The following ADAMTS10 variants were observed in gnomAD, a reference collection of about 807,000 sequenced individuals.
ADAMTS10 encodes the protein A disintegrin and metalloproteinase with thrombospondin motifs 10.
A neutral mutation model predicts 135.9 loss-of-function variants in ADAMTS10; 48 were observed. The ratio of observed to expected loss-of-function variants is 0.35; its 90% CI spans 0.28 to 0.45. ADAMTS10 has a LOEUF of 0.45. Ranked by LOEUF, ADAMTS10 falls within the 20% of genes least tolerant of loss-of-function variation. ADAMTS10 has a pLI of 1.00. For missense variants in ADAMTS10, 1,131 were observed against 1,565.2 expected (o/e 0.72, Z 4.68); for synonymous variants, 621 against 647.5 (o/e 0.96, Z 0.62).
chr19:8,608,889 T>C (rs7507292), intron 1 of ADAMTS10, among the ~76,000 whole-genome samples: 34,986 of 149,652 alleles, frequency 0.23, 5,039 homozygotes, highest in East Asian at 0.65. Context: ...GACTCACCTG[T>C]GCACAGTGTA....
Position 8,605,161 on chromosome 19 carries a change from G to T in ADAMTS10, c.286C>A (p.Arg96Ser). ...ACGGAGACGTGCCCTGCCAGTAGAC[G>T]GGAGCTGCGGGTCAGGTTCAGCAGG... ...HFLLNLTRSS[R>S]LLAGHVSVEY... is the part of the protein sequence containing the mutation. Residue 96 changes from arginine to serine, a missense_variant, in exon 4 of 26, where the codon CGT (arginine) becomes AGT (serine). By Grantham distance (110) the Arg-to-Ser change is moderately radical. Coordinates refer to ENST00000597188, the MANE Select transcript of ADAMTS10 (RefSeq NM_030957.4). The surrounding 1 kb of genome is among the most constrained non-coding windows in gnomAD (Gnocchi z 7.7). 6.2e-7 allele frequency: 1 copy of T among 1,614,002 alleles called. No individual in the cohort carries two copies.
Position 8,605,022 on chromosome 19 carries a change from C to CAGGTGCTGATGGCCACATGGG in ADAMTS10, c.404_424dup (p.Ser135_Thr141dup). 1 of 1,605,870 alleles carries CAGGTGCTGATGGCCACATGGG rather than the reference C, an allele frequency of 6.2e-7. No homozygotes were observed. The highest frequency in any genetic ancestry group is 8.5e-7 in the Non-Finnish European group (1 of 1,176,886). On this transcript the variant is annotated inframe_insertion, in exon 4 of 26. Transcript: ENST00000597188. The surrounding 1 kb of genome is among the most constrained non-coding windows in gnomAD (Gnocchi z 7.7). ...GAATCCTCAGCTCACCAGGCCTCCACAGGTGCTGATGGCCACATGGGAGCT... is the reference window on the plus strand; with the variant it reads ...GAATCCTCAGCTCACCAGGCCTCCACAGGTGCTGATGGCCACATGGGAGGTGCTGATGGCCACATGGGAGCT...
intron 25 of ADAMTS10, among the ~76,000 whole-genome samples, chr19:8,582,336 C>G (rs1317056360): frequency 6.6e-6 from 1 of 151,930 alleles, no homozygotes; most frequent in Non-Finnish European, 1.5e-5. Flanking sequence ...GGCGTGGTGG[C>G]AGGCGCCTGT....
intron 5 of ADAMTS10, among the ~76,000 whole-genome samples, chr19:8,602,691 T>C (rs1425352631): frequency 2.0e-5 from 3 of 152,112 alleles, no homozygotes; most frequent in Non-Finnish European, 2.9e-5. Context: ...AGTGGTGTGA[T>C]CAAGGCTCAT....
At chr19:8,595,341 GTTC>G (rs1490688708) in intron 12 of ADAMTS10, among the ~76,000 whole-genome samples, 1 of 152,184 alleles carries the variant, frequency 6.6e-6, no homozygotes, top group Non-Finnish European at 1.5e-5. Context: ...TCCCTGGAAG[GTTC>G]TGTCTAGTTC....
intron 18 of ADAMTS10, among the ~76,000 whole-genome samples, chr19:8,588,258 T>G (rs1317651639): frequency 1.3e-5 from 2 of 151,836 alleles, no homozygotes; most frequent in Admixed American, 1.3e-4. Context: ...AAAAAAAATT[T>G]TTTTTTTTGT....
rs1555740231 is a variant in ADAMTS10, at chr19:8,596,403, G to A, written c.1094C>T (p.Pro365Leu). 3.1e-6 allele frequency: 5 copies of A among 1,613,404 alleles called. No individual in the cohort carries two copies. The highest frequency in any genetic ancestry group is 1.3e-5 in the African/African-American group (1 of 75,034). Reference sequence around the variant, plus strand: ...CTCGCGCTCACACATTCCGCCCACCGGGGCCAGGCCTGGGAAGACGGACAT... The same window carrying A: ...CTCGCGCTCACACATTCCGCCCACCAGGGCCAGGCCTGGGAAGACGGACAT... ...NKPCGTLGLAPVGGMCERERS... is the reference protein window; with the variant it reads ...NKPCGTLGLALVGGMCERERS... The change falls in exon 10 of 26, where the codon CCG becomes CTG. Residue 365 changes from proline to leucine, a missense_variant. Around this residue, in one of 3 missense-constraint regions of ADAMTS10, gnomAD observed 745 missense variants for 1,056.3 expected, o/e 0.71. Coordinates refer to ENST00000597188, the MANE Select transcript of ADAMTS10 (RefSeq NM_030957.4). This position sits in a 1 kb window ranked among gnomAD's most constrained non-coding sequence, Gnocchi z 7.2.
intron 13 of ADAMTS10, 33 bp downstream of exon 13, chr19:8,592,730 G>C: frequency 6.3e-7 from 1 of 1,587,854 alleles, no homozygotes; most frequent in Non-Finnish European, 8.5e-7. Context: ...CTCAGGGGGC[G>C]TGGCCCAGTT....
intron 6 of ADAMTS10, 42 bp from the exon 7 acceptor site, chr19:8,597,359 C>T (rs782308961): frequency 6.4e-7 from 1 of 1,571,140 alleles, no homozygotes; most frequent in Non-Finnish European, 8.7e-7. Flanking sequence ...TTAAGAGGAG[C>T]CCAGGGTAGA....
chr19:8,607,969 C>G (rs553635523), intron 2 of ADAMTS10, among the ~76,000 whole-genome samples, 165 bp downstream of exon 2: 27 of 151,972 alleles, frequency 1.8e-4, no homozygotes, highest in Admixed American at 5.3e-4. Context: ...CGCCACCATG[C>G]CCAGCTAATT....
intron 4 of ADAMTS10, among the ~76,000 whole-genome samples, chr19:8,604,551 A>G (rs4804316): frequency 0.4 from 60,694 of 150,940 alleles, 12,669 homozygotes; most frequent in Non-Finnish European, 0.45. Context: ...TTGTGATCTC[A>G]GATCACTGAG....
At chr19:8,595,727 C>T (rs1555739960) in intron 12 of ADAMTS10, 35 bp downstream of exon 12, 1 of 1,607,372 alleles carries the variant, frequency 6.2e-7, no homozygotes, top group South Asian at 1.1e-5. Flanking sequence ...GGCCCCCTCC[C>T]CTCCCAGGAA....
In ADAMTS10 at chr19:8,581,133, T is replaced by C. The variant is rs1360996379; in HGVS notation, c.3203-131A>G. The C allele has an allele frequency of 2.8e-3, 182 of 65,914 alleles. 4 individuals carry two copies. Among genetic ancestry groups the C allele is most frequent in the African/African-American group, 0.012 (145 of 12,474 alleles). 4.1% of individuals were successfully genotyped at this position (65,914 alleles called of 1,614,324 possible). ...GGTTTCTTTCTTTTTAAATTTACTT[T>C]TTTTTTTTTTTTTTTTTTTTTTTTT... is the stretch of plus-strand genomic sequence containing the variant. On this transcript the variant is annotated intron_variant, in intron 25 of 25. Coordinates refer to ENST00000597188, the MANE Select transcript of ADAMTS10 (RefSeq NM_030957.4).
At chr19:8,602,573 G>C (rs1316477999) in intron 5 of ADAMTS10, among the ~76,000 whole-genome samples, 2 of 151,888 alleles carry the variant, frequency 1.3e-5, no homozygotes, top group Non-Finnish European at 2.9e-5. Flanking sequence ...TGCCCATCTC[G>C]GCCTCCCAAA....
rs373213602 is a variant in ADAMTS10, at chr19:8,601,362, CTT to C, written c.593-219_593-218del. Among the ~76,000 whole-genome samples the C allele has an allele frequency of 4.5e-4, 62 of 136,810 alleles. No homozygotes were observed. The highest frequency in any genetic ancestry group is 4.2e-4 in the East Asian group (2 of 4,792). The allele number at this position is 136,810 out of a possible 152,430, so 89.8% of individuals were successfully genotyped here. A position where few individuals can be genotyped will look rare whatever the true frequency, so the allele number is the denominator to read the frequency against. On this transcript the variant is annotated intron_variant, in intron 5 of 25. Transcript: ENST00000597188. This position sits in a 1 kb window ranked among gnomAD's most constrained non-coding sequence, Gnocchi z 4.6. ...CAAACACCTCATCGTTTTTCTTATT[CTT>C]TTTTTTTTTTTTTTTGAGACGGAGT...
intron 5 of ADAMTS10, among the ~76,000 whole-genome samples, chr19:8,602,341 C>T (rs2042677041): frequency 6.6e-6 from 1 of 152,090 alleles, no homozygotes; most frequent in African/African-American, 2.4e-5. Context: ...TTTTTTGAGA[C>T]AGAGCCTCAC....
chr19:8,590,924 C>G (rs2042516520), intron 15 of ADAMTS10, among the ~76,000 whole-genome samples: 1 of 152,164 alleles, frequency 6.6e-6, no homozygotes. Context: ...GAGAGAAGGT[C>G]TGGAAGGGAT....
At chr19:8,604,893 C>T in intron 4 of ADAMTS10, 119 bp downstream of exon 4, 1 of 1,181,330 alleles carries the variant, frequency 8.5e-7, no homozygotes, top group Non-Finnish European at 1.2e-6. Context: ...CACTGATTGG[C>T]TCAAAACACT....
Position 8,586,163 on chromosome 19 carries a change from G to C in ADAMTS10, c.2619C>G (p.Pro873=), listed in dbSNP as rs782335136. 6.2e-6 allele frequency: 10 copies of C among 1,611,542 alleles called. No individual in the cohort carries two copies. The highest frequency in any genetic ancestry group is 5.9e-6 in the Non-Finnish European group (7 of 1,179,948). The part of the protein sequence containing the change: ...PHYCSAHSKL[P]KRQRACNTEP... Reference sequence around the variant, plus strand: ...CCGTGTTGCAGGCGCGCTGCCTTTTGGGCAGCTTGCTGTGGGCACTGCAGT... The same window carrying C: ...CCGTGTTGCAGGCGCGCTGCCTTTTCGGCAGCTTGCTGTGGGCACTGCAGT... Residue 873 remains proline, a synonymous_variant, in exon 22 of 26, where the codon CCC becomes CCG. Coordinates refer to ENST00000597188, the MANE Select transcript of ADAMTS10 (RefSeq NM_030957.4).
Sources: allele counts gnomAD v4.1 joint callset (sites outside exome capture counted in the v4.1 genomes callset), GRCh38; gene constraint gnomAD v4.1.1; regional missense constraint gnomAD v4.1.1; non-coding constraint Gnocchi (gnomAD v3.1); transcripts MANE v1.5; gene names NCBI Gene and HGNC (gene_info 2026-07-23, HGNC 2026-07-21).